ITGAE: variants seen among roughly 807,000 people sequenced by gnomAD.
The protein encoded by ITGAE is integrin subunit alpha E, also known as integrin alpha-E.
A neutral mutation model predicts 136.5 loss-of-function variants in ITGAE; 99 were observed. The ratio of observed to expected loss-of-function variants is 0.73; its 90% CI spans 0.62 to 0.86. The LOEUF (loss-of-function observed/expected upper bound fraction) is 0.86. ITGAE is among the 40% of genes least tolerant of loss of function. The pLI is 0.00. For synonymous variants in ITGAE, 613 were observed against 591.8 expected (o/e 1.04, Z -0.52); for missense variants, 1,447 against 1,515.3 (o/e 0.95, Z 0.75).
In ITGAE at chr17:3,799,636, T is replaced by C. The variant is rs902033237; in HGVS notation, c.34+1475A>G. Among the ~76,000 whole-genome samples the C allele has an allele frequency of 2.0e-5, 3 of 151,922 alleles. No individual in the cohort carries two copies. The highest frequency in any genetic ancestry group is 4.8e-5 in the African/African-American group (2 of 41,332). On this transcript the variant is annotated intron_variant, in intron 1 of 30. Coordinates refer to ENST00000263087, the MANE Select transcript of ITGAE (RefSeq NM_002208.5). The surrounding 1 kb of genome is among the most constrained non-coding windows in gnomAD (Gnocchi z 4.1). ...TCACCTCCTCTGTACTGGGAGAGGG[T>C]AGACAAGAGTCTAGTCTAAGCATCT...
chr17:3,771,695 C>T (rs1254926254), intron 2 of ITGAE, among the ~76,000 whole-genome samples: 1 of 152,018 alleles, frequency 6.6e-6, no homozygotes, highest in African/African-American at 2.4e-5. Flanking sequence ...CACCACCACA[C>T]CCGGCTAATT....
rs1380989665 is a variant in ITGAE, at chr17:3,796,109, CTGTGTGCATCCCTG to C, written c.34+4988_34+5001del. ...TGTATGCATCCGTGTGTGTGCATCCCTGTGTGCATCCCTGTGTGTGCATCCATGTGTGTGCATCC... is the reference window on the plus strand; with the variant it reads ...TGTATGCATCCGTGTGTGTGCATCCCTGTGTGCATCCATGTGTGTGCATCC... On this transcript the variant is annotated intron_variant, in intron 1 of 30. Transcript: ENST00000263087. Among the ~76,000 whole-genome samples the C allele has an allele frequency of 3.3e-4, 42 of 128,488 alleles. 1 individual carries two copies. The highest frequency in any genetic ancestry group is 1.0e-3 in the African/African-American group (35 of 33,528). 84.3% of individuals were successfully genotyped at this position (128,488 alleles called of 152,430 possible). A position where few individuals can be genotyped will look rare whatever the true frequency, so the allele number is the denominator to read the frequency against.
intron 26 of ITGAE, chr17:3,724,827 G>T: frequency 6.2e-7 from 1 of 1,614,170 alleles, no homozygotes; most frequent in Non-Finnish European, 8.5e-7. Context: ...CACAGGCCAG[G>T]ACTCTTGTCA....
At position 3,785,139 on chromosome 17, in the gene ITGAE, A is replaced by T. The variant is rs1018393525; in HGVS notation, c.35-7479T>A. 2.6e-5 allele frequency among the ~76,000 whole-genome samples: 4 copies of T among 151,832 alleles called. No homozygotes were observed. In the South Asian group the frequency reaches 8.3e-4, roughly 32 times the overall value. On this transcript the variant is annotated intron_variant, in intron 1 of 30. Transcript: ENST00000263087. The stretch of plus-strand genomic sequence containing the variant: ...TGCACTCCAGCCTGGGTGACAGAAC[A>T]AGACCCCATGTAAAAAAAAGAAAAA...
rs762531845 is a variant in ITGAE, at chr17:3,751,790, C to T, written c.1753G>A (p.Gly585Arg). 9.3e-6 allele frequency: 15 copies of T among 1,614,024 alleles called. No homozygotes were observed. The Admixed American group carries it at 1.5e-4, about 16-fold the overall frequency. The stretch of plus-strand genomic sequence containing the variant: ...GTGAGCTTATCCTGACTGAGATCCC[C>T]CATAGCCGCCATGGCAAAGCCAAAG... ...ARFGFAMAAMGDLSQDKLTDV... is the reference protein window; with the variant it reads ...ARFGFAMAAMRDLSQDKLTDV... Residue 585 changes from glycine to arginine, a missense_variant, in exon 15 of 31, where the codon GGG becomes AGG. This residue lies in a region of ITGAE where 1,031 missense variants were observed against 1,011.4 expected (regional missense o/e 1.02). Transcript: ENST00000263087.
rs749577771 is a variant in ITGAE at position 3,734,991 on chromosome 17, T to G, written c.2523-42A>C. Reference sequence around the variant, plus strand: ...TAAAAATGTTACAGTTTATTTCATCTGTAAAAACCTCAACGCAATACAATA... The same window carrying G: ...TAAAAATGTTACAGTTTATTTCATCGGTAAAAACCTCAACGCAATACAATA... On this transcript the variant is annotated intron_variant, in intron 20 of 30. Transcript: ENST00000263087. 3.8e-5 allele frequency: 62 copies of G among 1,611,032 alleles called. No homozygotes were observed. In the Admixed American group the frequency reaches 1.0e-3, roughly 27 times the overall value.
chr17:3,724,233 C>T lies in ITGAE; in HGVS notation c.3085-489G>A, dbSNP rs763743309. On this transcript the variant is annotated intron_variant, in intron 26 of 30. Transcript: ENST00000263087. ...GCCCAGCCTGACCGTGACCCCAAAGCGCTGGAAGCTGCGAGCTCGCCCAAG... is the reference window on the plus strand; with the variant it reads ...GCCCAGCCTGACCGTGACCCCAAAGTGCTGGAAGCTGCGAGCTCGCCCAAG... 7 of 1,593,540 alleles carry T rather than the reference C, an allele frequency of 4.4e-6. No individual in the cohort carries two copies. The East Asian group carries it at 1.6e-4, about 36-fold the overall frequency.
chr17:3,784,179 G>A (rs2052730300), intron 1 of ITGAE, among the ~76,000 whole-genome samples: 1 of 151,960 alleles, frequency 6.6e-6, no homozygotes, highest in African/African-American at 2.4e-5. Flanking sequence ...AGAATGGCGT[G>A]AACCCGGGAG....
intron 1 of ITGAE, among the ~76,000 whole-genome samples, chr17:3,779,286 T>C (rs2052610916): frequency 6.6e-6 from 1 of 152,104 alleles, no homozygotes; most frequent in Non-Finnish European, 1.5e-5. Flanking sequence ...TGCTGAAATG[T>C]TTAGAGTTGA....
At chr17:3,760,443 T>TTA (rs2052139358) in intron 6 of ITGAE, among the ~76,000 whole-genome samples, 156 bp from the exon 7 acceptor site, 2 of 135,448 alleles carry the variant, frequency 1.5e-5, no homozygotes, top group South Asian at 5.2e-4. Context: ...TTTTTTTTTT[T>TTA]TTTTTTTTTT....
chr17:3,751,293 C>T (rs1236041870), intron 15 of ITGAE, among the ~76,000 whole-genome samples: 1 of 151,504 alleles, frequency 6.6e-6, no homozygotes, highest in Non-Finnish European at 1.5e-5. Context: ...CGCGGAGGTG[C>T]TGGGTGGGAG....
At chr17:3,744,752 C>A (rs78862441) in intron 18 of ITGAE, among the ~76,000 whole-genome samples, 2,322 of 152,164 alleles carry the variant, frequency 0.015, 39 homozygotes, top group South Asian at 0.046. Flanking sequence ...CCCAACCAAC[C>A]AAGATCTTTC....
chr17:3,777,208 G>A (rs1366328413), intron 2 of ITGAE, among the ~76,000 whole-genome samples: 3 of 151,950 alleles, frequency 2.0e-5, no homozygotes, highest in Non-Finnish European at 2.9e-5. Flanking sequence ...TGATCCGCCC[G>A]CCTCGGCCTC....
At chr17:3,729,735 C>T in intron 23 of ITGAE, 180 bp from the exon 24 acceptor site, 1 of 554,732 alleles carries the variant, frequency 1.8e-6, no homozygotes, top group Non-Finnish European at 3.4e-6. Context: ...GCTGGAATTA[C>T]AGGCGTGAGC....
intron 1 of ITGAE, among the ~76,000 whole-genome samples, chr17:3,793,051 TTC>T (rs1366900884): frequency 1.3e-5 from 2 of 152,052 alleles, no homozygotes; most frequent in Non-Finnish European, 2.9e-5. Flanking sequence ...GAGAATCTTT[TTC>T]TTTTTTCTTT....
chr17:3,723,592 C>G, intron 27 of ITGAE, 96 bp downstream of exon 27: 1 of 1,312,938 alleles, frequency 7.6e-7, no homozygotes. Context: ...CGGCACTGGC[C>G]GGCAGGGGTA....
intron 1 of ITGAE, among the ~76,000 whole-genome samples, chr17:3,794,870 G>A (rs2053026478): frequency 6.6e-6 from 1 of 152,194 alleles, no homozygotes; most frequent in African/African-American, 2.4e-5. Context: ...TAACTGAAAA[G>A]GCACGAGTGG....
At chr17:3,761,300 T>A in intron 5 of ITGAE, 103 bp downstream of exon 5, 1 of 1,546,178 alleles carries the variant, frequency 6.5e-7, no homozygotes, top group Non-Finnish European at 8.7e-7. Flanking sequence ...TGCTCCACTG[T>A]GGGCCTGCGT....
rs569314467 is a variant in ITGAE at position 3,766,246 on chromosome 17, A to G, written c.156-2286T>C. ...GGCCTCTCCCATCCCAGAAGCCCCC[A>G]GGGCTGTCCTGGCTGGGCTGTAAAG... On this transcript the variant is annotated intron_variant, in intron 2 of 30. Coordinates refer to ENST00000263087, the MANE Select transcript of ITGAE (RefSeq NM_002208.5). Among the ~76,000 whole-genome samples the G allele has an allele frequency of 2.6e-5, 4 of 152,246 alleles. No homozygotes were observed. In the South Asian group the frequency reaches 8.3e-4, roughly 32 times the overall value.
Sources: gnomAD v4.1 joint callset for allele counts (sites outside exome capture counted in the v4.1 genomes callset) on GRCh38, gnomAD v4.1.1 for gene constraint, gnomAD v4.1.1 regional missense constraint, Gnocchi (gnomAD v3.1) non-coding constraint, MANE v1.5 for transcripts, NCBI Gene and HGNC (gene_info 2026-07-23, HGNC 2026-07-21) for gene names.